Variants in DMGDH observed in about 807,000 individuals in gnomAD.
DMGDH encodes dimethylglycine dehydrogenase, mitochondrial.
A neutral mutation model predicts 95.2 loss-of-function variants in DMGDH; 76 were observed. The observed-to-expected ratio is 0.80, with a 90% CI of 0.66 to 0.97. DMGDH has a LOEUF of 0.97. DMGDH is among the 50% of genes least tolerant of loss of function. The probability of loss-of-function intolerance (pLI) is 0.00; values close to 1 mark genes in which losing one functional copy is unlikely to be tolerated. For synonymous variants in DMGDH, 345 were observed against 377.6 expected, an observed-to-expected ratio of 0.91 and a Z score of 1.00; for missense variants, 987 against 1,055.0, an observed-to-expected ratio of 0.94 and a Z score of 0.89.
intron 14 of DMGDH, among the ~76,000 whole-genome samples, chr5:79,009,504 C>A (rs1753609840): frequency 6.6e-6 from 1 of 151,946 alleles, no homozygotes; most frequent in Non-Finnish European, 1.5e-5. Context: ...TGGGACCAGG[C>A]ACACACCACC....
chr5:79,005,526 T>C (rs1753531742), intron 14 of DMGDH, 119 bp from the exon 15 acceptor site: 1 of 1,366,314 alleles, frequency 7.3e-7, no homozygotes, highest in African/African-American at 1.4e-5. Context: ...TAAATAAAAA[T>C]ACAGATCGGA....
At chr5:79,031,093 A>C in intron 9 of DMGDH, 95 bp from the exon 10 acceptor site, 8 of 1,320,840 alleles carry the variant, frequency 6.1e-6, no homozygotes, top group Non-Finnish European at 8.5e-6. Context: ...CATCTAGAAA[A>C]TCCTACGGGC....
chr5:79,040,119 G>A (rs1754466037), intron 7 of DMGDH, among the ~76,000 whole-genome samples: 1 of 152,220 alleles, frequency 6.6e-6, no homozygotes, highest in Non-Finnish European at 1.5e-5. Flanking sequence ...AAGTATGGGT[G>A]TCTCCCGAGA....
chr5:79,041,636 T>C (rs569960566), intron 7 of DMGDH, among the ~76,000 whole-genome samples: 1 of 152,348 alleles, frequency 6.6e-6, no homozygotes, highest in South Asian at 2.1e-4. Context: ...GCAAATTGAC[T>C]ATCTGAAGAT....
At chr5:79,026,656 C>T (rs1399589263) in intron 12 of DMGDH, 75 bp from the exon 13 acceptor site, 25 of 1,594,986 alleles carry the variant, frequency 1.6e-5, no homozygotes, top group Non-Finnish European at 1.8e-5. Context: ...AGCTAGAACA[C>T]ATATAAGCAG....
intron 14 of DMGDH, among the ~76,000 whole-genome samples, chr5:79,023,066 T>C (rs1368366113): frequency 1.3e-5 from 2 of 152,202 alleles, no homozygotes; most frequent in Non-Finnish European, 2.9e-5. Flanking sequence ...TTTAAAACCC[T>C]TTAGGAGGTT....
intron 14 of DMGDH, among the ~76,000 whole-genome samples, chr5:79,009,010 T>C (rs975800674): frequency 1.3e-5 from 2 of 152,182 alleles, no homozygotes; most frequent in African/African-American, 2.4e-5. Flanking sequence ...CATATTTTTT[T>C]AAATGCCTGT....
intron 15 of DMGDH, 136 bp from the exon 16 acceptor site, chr5:78,998,433 G>C: frequency 1.3e-6 from 1 of 767,114 alleles, no homozygotes; most frequent in Non-Finnish European, 2.2e-6. Flanking sequence ...GGGGGACAAC[G>C]CCAGAGACAC....
intron 15 of DMGDH, among the ~76,000 whole-genome samples, chr5:78,999,958 A>C (rs954957094): frequency 6.6e-6 from 1 of 152,088 alleles, no homozygotes; most frequent in African/African-American, 2.4e-5. Flanking sequence ...AGACTAGAAA[A>C]TCACTTTTGG....
chr5:79,000,206 T>G, intron 15 of DMGDH: 1 of 611,310 alleles, frequency 1.6e-6, no homozygotes, highest in Middle Eastern at 3.2e-4. Flanking sequence ...ATGTTTAAAG[T>G]GATCTGGTCC....
chr5:79,036,757 A>G lies in DMGDH; in HGVS notation c.1194-3349T>C, dbSNP rs571068721. Among the ~76,000 whole-genome samples the G allele has an allele frequency of 7.6e-4, 115 of 152,290 alleles. No homozygotes were observed. The South Asian group carries it at 0.023, about 31-fold the overall frequency. On this transcript the variant is annotated intron_variant, in intron 7 of 15. Transcript: ENST00000255189. ...TCTCCGGACCACTAAATCAGAATCT[A>G]TAGGAGTAGTGTCTGGAAATCTGTT...
At chr5:79,041,184 G>T (rs1421564648) in intron 7 of DMGDH, among the ~76,000 whole-genome samples, 1 of 152,184 alleles carries the variant, frequency 6.6e-6, no homozygotes, top group Non-Finnish European at 1.5e-5. Context: ...CTGCTACCTT[G>T]GTAGAGACCC....
At chr5:79,019,880 G>A (rs189026779) in intron 14 of DMGDH, among the ~76,000 whole-genome samples, 2 of 152,178 alleles carry the variant, frequency 1.3e-5, no homozygotes, top group East Asian at 1.9e-4. Flanking sequence ...GCAAGACTCC[G>A]TCTCAATAAA....
chr5:79,016,351 T>C (rs993164595), intron 14 of DMGDH, among the ~76,000 whole-genome samples: 1 of 152,104 alleles, frequency 6.6e-6, no homozygotes, highest in Non-Finnish European at 1.5e-5. Context: ...TCTGATGGAA[T>C]CTACAAAAAT....
At chr5:79,015,189 C>A (rs148485746) in intron 14 of DMGDH, among the ~76,000 whole-genome samples, 2 of 152,154 alleles carry the variant, frequency 1.3e-5, no homozygotes, top group Non-Finnish European at 2.9e-5. Context: ...AGTTAATCCA[C>A]AGTTCATTAA....
At chr5:79,035,056 C>CAAAAA (rs10586049) in intron 7 of DMGDH, among the ~76,000 whole-genome samples, 4 of 78,332 alleles carry the variant, frequency 5.1e-5, no homozygotes, top group Admixed American at 1.6e-4. Flanking sequence ...GACTCCATCT[C>CAAAAA]AAAAAAAAAA....
intron 6 of DMGDH, among the ~76,000 whole-genome samples, chr5:79,043,378 T>C (rs774326983): frequency 1.1e-4 from 17 of 152,172 alleles, no homozygotes; most frequent in Non-Finnish European, 1.9e-4. Context: ...CAACCCTCCC[T>C]GTGGGATCAG....
intron 6 of DMGDH, among the ~76,000 whole-genome samples, chr5:79,044,047 T>C (rs917882654): frequency 2.6e-5 from 4 of 152,216 alleles, no homozygotes; most frequent in Admixed American, 1.3e-4. Context: ...AAAATGTATC[T>C]GGAACCTTTC....
At chr5:79,068,440 T>C (rs1187870227) in intron 1 of DMGDH, among the ~76,000 whole-genome samples, 4 of 152,214 alleles carry the variant, frequency 2.6e-5, no homozygotes, top group Non-Finnish European at 4.4e-5. Flanking sequence ...CCTCATTTTA[T>C]AGATGAGGAA....
Sources: gnomAD v4.1 joint callset for allele counts (sites outside exome capture counted in the v4.1 genomes callset) on GRCh38, gnomAD v4.1.1 for gene constraint, MANE v1.5 for transcripts, NCBI Gene and HGNC (gene_info 2026-07-23, HGNC 2026-07-21) for gene names.